Variants in USP6NL observed in about 807,000 individuals in gnomAD.
The protein encoded by USP6NL is USP6 N-terminal-like protein.
Under a neutral mutation model 61.9 loss-of-function variants are expected in USP6NL, and 26 were observed. That is an observed-to-expected ratio of 0.42 (90% CI 0.31 to 0.58). The LOEUF is 0.58. Among genes scored for constraint, USP6NL ranks in the 20% least tolerant of loss-of-function variants. The pLI, the probability that USP6NL is intolerant of heterozygous loss-of-function variation, is 0.16. For synonymous variants in USP6NL, 432 were observed against 390.1 expected, an observed-to-expected ratio of 1.11 and a Z score of -1.27; for missense variants, 1,114 against 1,034.3, an observed-to-expected ratio of 1.08 and a Z score of -1.06.
intron 2 of USP6NL, among the ~76,000 whole-genome samples, chr10:11,576,771 A>T (rs11257176): frequency 0.11 from 17,416 of 152,242 alleles, 1,326 homozygotes; most frequent in East Asian, 0.19. Flanking sequence ...ATAAGTCCTG[A>T]TATCTAATAG....
intron 14 of USP6NL, among the ~76,000 whole-genome samples, 193 bp from the exon 15 acceptor site, chr10:11,464,042 G>A (rs1004326489): frequency 6.6e-6 from 1 of 152,214 alleles, no homozygotes; most frequent in African/African-American, 2.4e-5. Flanking sequence ...GGTAGCTGAT[G>A]AGAGGTGTTT....
rs142820496 is a variant in USP6NL, at chr10:11,537,207, TGATCC to T, written c.5-9645_5-9641del. ...TTCACTGCAGCGTCAATCTCCCAGG[TGATCC>T]TCCCACCTCAGCCTCCTGAGTCCTA... is the stretch of plus-strand genomic sequence containing the variant. On this transcript the variant is annotated intron_variant, in intron 2 of 14. Coordinates refer to ENST00000609104, the MANE Select transcript of USP6NL (RefSeq NM_014688.5). The surrounding 1 kb of genome is among the most constrained non-coding windows in gnomAD (Gnocchi z 5.1). Among the ~76,000 whole-genome samples the T allele has an allele frequency of 0.084, 12,828 of 152,198 alleles. 613 individuals carry two copies. Among genetic ancestry groups the T allele is most frequent in the South Asian group, 0.19 (917 of 4,814 alleles).
chr10:11,488,627 CTTAA>C lies in USP6NL; in HGVS notation c.664+471_664+474del, dbSNP rs1207976613. ...AAACTACACTTGAAATATAAAACTA[CTTAA>C]TTATTACCTTTTCTTTAAAAACCTA... On this transcript the variant is annotated intron_variant, in intron 10 of 14. Transcript: ENST00000609104. Among the ~76,000 whole-genome samples, 5 of 152,164 alleles carry C rather than the reference CTTAA, an allele frequency of 3.3e-5. No homozygotes were observed. In the East Asian group the frequency reaches 5.8e-4, roughly 18 times the overall value.
intron 6 of USP6NL, among the ~76,000 whole-genome samples, chr10:11,508,036 T>C (rs1190776178): frequency 6.6e-6 from 1 of 152,120 alleles, no homozygotes; most frequent in Non-Finnish European, 1.5e-5. Flanking sequence ...CAGCAAATGT[T>C]GACATAAGAT....
At chr10:11,566,369 G>A (rs1383389306) in intron 2 of USP6NL, among the ~76,000 whole-genome samples, 2 of 152,168 alleles carry the variant, frequency 1.3e-5, no homozygotes, top group Admixed American at 6.6e-5. Context: ...TGAACACCAC[G>A]CATATTTGTT....
chr10:11,512,384 C>T (rs1591867913), intron 5 of USP6NL, among the ~76,000 whole-genome samples: 3 of 152,146 alleles, frequency 2.0e-5, no homozygotes, highest in African/African-American at 7.2e-5. Flanking sequence ...CCATCCTGTC[C>T]TCTTCCCCAG....
At chr10:11,576,151 C>T (rs924076176) in intron 2 of USP6NL, among the ~76,000 whole-genome samples, 3 of 150,542 alleles carry the variant, frequency 2.0e-5, no homozygotes, top group East Asian at 1.9e-4. Context: ...AAAATGTTAA[C>T]GCTGGGGAAA....
chr10:11,571,064 T>C (rs1837341635), intron 2 of USP6NL, among the ~76,000 whole-genome samples: 1 of 150,694 alleles, frequency 6.6e-6, no homozygotes, highest in South Asian at 2.1e-4. Context: ...CTTTTATAAT[T>C]TCCCTCCCTC....
rs550966732 is a variant in USP6NL at position 11,575,024 on chromosome 10, T to C, written c.4+22607A>G. Among the ~76,000 whole-genome samples, 25 of 152,250 alleles carry C rather than the reference T, an allele frequency of 1.6e-4. No homozygotes were observed. The highest frequency in any genetic ancestry group is 5.8e-4 in the African/African-American group (24 of 41,554). ...TCCATATGGGTGTTAGGTTCAGAAATCAGTGCTCCAAGCCATGACAGTGAG... is the reference window on the plus strand; with the variant it reads ...TCCATATGGGTGTTAGGTTCAGAAACCAGTGCTCCAAGCCATGACAGTGAG... On this transcript the variant is annotated intron_variant, in intron 2 of 14. Coordinates refer to ENST00000609104, the MANE Select transcript of USP6NL (RefSeq NM_014688.5). This position sits in a 1 kb window ranked among gnomAD's most constrained non-coding sequence, Gnocchi z 4.2.
rs796291534 is a variant in USP6NL, at chr10:11,602,436, T to C, written c.-83-4719A>G. ...ATGTATAATGCATAATAAATCTTAC[T>C]ATTCATTCATTCAGTATTTACCGAG... is the stretch of plus-strand genomic sequence containing the variant. On this transcript the variant is annotated intron_variant, in intron 1 of 14. Coordinates refer to ENST00000609104, the MANE Select transcript of USP6NL (RefSeq NM_014688.5). This position sits in a 1 kb window ranked among gnomAD's most constrained non-coding sequence, Gnocchi z 4.8. 3.3e-5 allele frequency among the ~76,000 whole-genome samples: 5 copies of C among 152,314 alleles called. No homozygotes were observed. In the South Asian group the frequency reaches 8.3e-4, roughly 25 times the overall value.
At chr10:11,547,827 C>T (rs895324294) in intron 2 of USP6NL, among the ~76,000 whole-genome samples, 38 of 152,176 alleles carry the variant, frequency 2.5e-4, no homozygotes, top group African/African-American at 8.2e-4. Context: ...AGGCATGAGC[C>T]ACTGCACCCA....
intron 2 of USP6NL, among the ~76,000 whole-genome samples, chr10:11,578,731 T>C (rs1162346979): frequency 6.6e-6 from 1 of 152,276 alleles, no homozygotes; most frequent in African/African-American, 2.4e-5. Flanking sequence ...GAGAATGTTA[T>C]TTTTAAATGT....
In USP6NL at chr10:11,573,390, T is replaced by C. The variant is rs374483399; in HGVS notation, c.4+24241A>G. 13 of 364,918 alleles carry C rather than the reference T, an allele frequency of 3.6e-5. No homozygotes were observed. In the East Asian group the frequency reaches 4.0e-4, roughly 11 times the overall value. The allele number at this position is 364,918 out of a possible 1,614,324, so 22.6% of individuals were successfully genotyped here. On this transcript the variant is annotated intron_variant, in intron 2 of 14. Coordinates refer to ENST00000609104, the MANE Select transcript of USP6NL (RefSeq NM_014688.5). ...TAACCTCCCCTTACTCTGTACCTCTTAATAATATCCCCCTAATTTTTGTTC... is the reference window on the plus strand; with the variant it reads ...TAACCTCCCCTTACTCTGTACCTCTCAATAATATCCCCCTAATTTTTGTTC...
chr10:11,581,780 T>C (rs1335574664), intron 2 of USP6NL, among the ~76,000 whole-genome samples: 2 of 152,248 alleles, frequency 1.3e-5, no homozygotes. Context: ...TTTGTTTGTT[T>C]GCTTGTTTTT....
At chr10:11,514,432 C>T (rs1301389916) in intron 5 of USP6NL, among the ~76,000 whole-genome samples, 1 of 152,038 alleles carries the variant, frequency 6.6e-6, no homozygotes, top group East Asian at 1.9e-4. Flanking sequence ...CTAGCTCCTC[C>T]CCTTTCAATA....
At chr10:11,507,032 A>T (rs552023136) in intron 6 of USP6NL, among the ~76,000 whole-genome samples, 2 of 152,330 alleles carry the variant, frequency 1.3e-5, no homozygotes, top group Non-Finnish European at 2.9e-5. Flanking sequence ...CATTATAGTT[A>T]TCGGAGAGTG....
chr10:11,526,147 T>C (rs1835410402), intron 3 of USP6NL, among the ~76,000 whole-genome samples: 1 of 145,974 alleles, frequency 6.9e-6, no homozygotes, highest in Non-Finnish European at 1.5e-5. Context: ...ATTGATGGTG[T>C]GCCCAAAGTT....
chr10:11,563,186 T>C (rs1219912247), intron 2 of USP6NL: 2 of 152,094 alleles, frequency 1.3e-5, no homozygotes, highest in Admixed American at 1.3e-4. Context: ...AAAGATAATA[T>C]AATATATGAT....
intron 2 of USP6NL, chr10:11,573,482 A>G (rs1837432757): frequency 2.5e-6 from 1 of 394,630 alleles, no homozygotes. Context: ...ATACCATAAT[A>G]TATCAGAAAT....
Sources: gnomAD v4.1 joint callset for allele counts (sites outside exome capture counted in the v4.1 genomes callset) on GRCh38, gnomAD v4.1.1 for gene constraint, Gnocchi (gnomAD v3.1) non-coding constraint, MANE v1.5 for transcripts, NCBI Gene and HGNC (gene_info 2026-07-23, HGNC 2026-07-21) for gene names.